The following ACTR5 variants were observed in gnomAD, a reference collection of about 807,000 sequenced individuals.
ACTR5 encodes actin-related protein 5.
A neutral mutation model predicts 61.2 loss-of-function variants in ACTR5; 43 were observed. The ratio of observed to expected loss-of-function variants is 0.70; its 90% CI spans 0.55 to 0.91. The LOEUF (loss-of-function observed/expected upper bound fraction) is 0.91, where lower values mean the gene tolerates loss of function less well. ACTR5 is among the 40% of genes least tolerant of loss of function. ACTR5 has a pLI of 0.00. For missense variants in ACTR5, 798 were observed against 782.2 expected (o/e 1.02, Z -0.24); for synonymous variants, 333 against 310.5 (o/e 1.07, Z -0.76).
At chr20:38,766,165 G>T in intron 6 of ACTR5, 73 bp from the exon 7 acceptor site, 1 of 1,534,976 alleles carries the variant, frequency 6.5e-7, no homozygotes, top group Non-Finnish European at 8.8e-7. Context: ...AAGAAACGCA[G>T]TTTGAGGAAA....
rs1053597942 is a variant in ACTR5 at position 38,772,383 on chromosome 20, C to T, written c.*567C>T. The stretch of plus-strand genomic sequence containing the variant: ...CTGGAGCTTAGGAGTTCGAGGCTAT[C>T]GTGTGCTGTGATCGCACCTGTGAAT... On this transcript the variant is annotated 3_prime_UTR_variant, in exon 9 of 9. Transcript: ENST00000243903. 8.9e-5 allele frequency: 14 copies of T among 158,120 alleles called. No individual in the cohort carries two copies. Among genetic ancestry groups the T allele is most frequent in the Non-Finnish European group, 1.5e-4 (11 of 71,736 alleles). 9.8% of individuals were successfully genotyped at this position (158,120 alleles called of 1,614,324 possible).
chr20:38,765,100 A>C (rs1306657772), intron 5 of ACTR5, among the ~76,000 whole-genome samples: 1 of 152,218 alleles, frequency 6.6e-6, no homozygotes, highest in Non-Finnish European at 1.5e-5. Flanking sequence ...TCATGCAAGC[A>C]GCAAGTCTTC....
At position 38,758,466 on chromosome 20, in the gene ACTR5, G is replaced by T. The variant is rs968334321; in HGVS notation, c.1176+2427G>T. ...ATTCGAGACCAGCCTGACCAACATG[G>T]TGAAACCCTGTCTCTACTGAAAATA... On this transcript the variant is annotated intron_variant, in intron 5 of 8. Transcript: ENST00000243903. Among the ~76,000 whole-genome samples the T allele has an allele frequency of 2.0e-5, 3 of 152,140 alleles. No individual in the cohort carries two copies. The East Asian group carries it at 5.8e-4, about 29-fold the overall frequency.
In ACTR5 at chr20:38,765,523, G is replaced by A; in HGVS notation, c.1293+5G>A. On this transcript the variant is annotated splice_donor_5th_base_variant and intron_variant, in intron 6 of 8. Coordinates refer to ENST00000243903, the MANE Select transcript of ACTR5 (RefSeq NM_024855.4). ...AAGCCGGTCACCACTGTTCAGGTTT[G>A]ACTTCTACAGCCCAGAACATGCTTA... 1.2e-6 allele frequency: 2 copies of A among 1,607,932 alleles called. No individual in the cohort carries two copies. The highest frequency in any genetic ancestry group is 1.7e-6 in the Non-Finnish European group (2 of 1,174,328).
Position 38,771,707 on chromosome 20 carries a change from A to G in ACTR5, c.1715A>G (p.Asn572Ser), listed in dbSNP as rs768905267. 1.9e-6 allele frequency: 3 copies of G among 1,614,080 alleles called. No homozygotes were observed. Among genetic ancestry groups the G allele is most frequent in the African/African-American group, 2.7e-5 (2 of 74,922 alleles). Residue 572 changes from asparagine (N) to serine (S), a missense_variant, in exon 9 of 9, where the codon AAC (asparagine) becomes AGC (serine). Asn to Ser is a conservative substitution (Grantham distance 46). Transcript: ENST00000243903. ...TACCTCAAGGAGCACTGTGCTTCCA[A>G]CATCTATGTCCCCATCCGCCTGCCG... ...GEYLKEHCAS[N>S]IYVPIRLPKQ...
chr20:38,765,674 G>A (rs528807838), intron 6 of ACTR5, among the ~76,000 whole-genome samples, 156 bp downstream of exon 6: 51 of 152,106 alleles, frequency 3.4e-4, no homozygotes, highest in Middle Eastern at 3.4e-3. Context: ...TTTTTCCCCC[G>A]GTGATTGATC....
chr20:38,750,536 A>G (rs765641306), intron 2 of ACTR5, among the ~76,000 whole-genome samples: 5 of 152,216 alleles, frequency 3.3e-5, no homozygotes, highest in Non-Finnish European at 5.9e-5. Flanking sequence ...ATCTGCAGGT[A>G]GTAGGCATTC....
rs892759255 is a variant in ACTR5, at chr20:38,763,772, C to T, written c.1177-1630C>T. Among the ~76,000 whole-genome samples the T allele has an allele frequency of 2.0e-5, 3 of 152,172 alleles. No homozygotes were observed. In the South Asian group the frequency reaches 6.2e-4, roughly 32 times the overall value. ...TAGCAGGTGTCCCTCCCCTCTTTGT[C>T]TGATTCAGTATTGGCAGGGACAGCT... is the stretch of plus-strand genomic sequence containing the variant. On this transcript the variant is annotated intron_variant, in intron 5 of 8. Coordinates refer to ENST00000243903, the MANE Select transcript of ACTR5 (RefSeq NM_024855.4).
rs1394867489 is a variant in ACTR5 at position 38,748,721 on chromosome 20, G to A, written c.243G>A (p.Gly81=). 2 of 1,553,592 alleles carry A rather than the reference G, an allele frequency of 1.3e-6. No homozygotes were observed. The highest frequency in any genetic ancestry group is 1.7e-6 in the Non-Finnish European group (2 of 1,152,214). The change falls in exon 1 of 9, where the codon GGG becomes GGA. Residue 81 remains glycine (G), a synonymous_variant. Transcript: ENST00000243903. The part of the protein sequence containing the change: ...GARGASGPQV[G]NALGSLEPLR... The stretch of plus-strand genomic sequence containing the variant: ...GGGGCGCGTCGGGCCCGCAGGTGGG[G>A]AACGCTCTGGGCAGCCTGGAGCCAC...
chr20:38,752,133 T>C lies in ACTR5; in HGVS notation c.608T>C (p.Leu203Ser), dbSNP rs747247058. 6 of 1,613,046 alleles carry C rather than the reference T, an allele frequency of 3.7e-6. No individual in the cohort carries two copies. Among genetic ancestry groups the C allele is most frequent in the Non-Finnish European group, 4.2e-6 (5 of 1,179,268 alleles). The change falls in exon 3 of 9, where the codon TTA becomes TCA. Residue 203 changes from leucine to serine, a missense_variant and splice_region_variant. Leu to Ser is a moderately radical substitution (Grantham distance 145). Coordinates refer to ENST00000243903, the MANE Select transcript of ACTR5 (RefSeq NM_024855.4). ...THVLPILEGR[L>S]DAKNCKRINL... is the part of the protein sequence containing the mutation. ...TGTTTTCTACTGCTTGGTTATAGAT[T>C]AGATGCTAAAAACTGCAAGCGCATC...
chr20:38,760,484 G>A (rs1290848221), intron 5 of ACTR5, among the ~76,000 whole-genome samples: 1 of 152,190 alleles, frequency 6.6e-6, no homozygotes, highest in Non-Finnish European at 1.5e-5. Flanking sequence ...CAAAACAGAT[G>A]TAGGATCAGA....
intron 5 of ACTR5, among the ~76,000 whole-genome samples, chr20:38,760,409 G>C (rs1177105936): frequency 6.6e-6 from 1 of 152,062 alleles, no homozygotes; most frequent in African/African-American, 2.4e-5. Flanking sequence ...TTTTGTTTTG[G>C]GAAACTAACT....
chr20:38,759,209 T>G (rs150444795), intron 5 of ACTR5, among the ~76,000 whole-genome samples: 31 of 152,258 alleles, frequency 2.0e-4, no homozygotes, highest in African/African-American at 7.2e-4. Context: ...AGATCAGGGT[T>G]GGCCTCTGCT....
At position 38,748,830 on chromosome 20, in the gene ACTR5, C is replaced by G; in HGVS notation, c.352C>G (p.Gln118Glu). 3.1e-6 allele frequency: 5 copies of G among 1,608,384 alleles called. No homozygotes were observed. Among genetic ancestry groups the G allele is most frequent in the Non-Finnish European group, 4.2e-6 (5 of 1,178,684 alleles). Residue 118 changes from glutamine (Q) to glutamate (E), a missense_variant, in exon 1 of 9, where the codon CAG (glutamine) becomes GAG (glutamate). Physicochemically the swap from Gln to Glu is conservative, Grantham distance 29. Transcript: ENST00000243903. ...LQELLLDYSF[Q>E]HLGVSSQGCV... is the part of the protein sequence containing the mutation. ...GGAGTTGCTGCTGGACTACAGCTTCCAGCACCTGGGTGTCTCCTCACAGGT... is the reference window on the plus strand; with the variant it reads ...GGAGTTGCTGCTGGACTACAGCTTCGAGCACCTGGGTGTCTCCTCACAGGT...
intron 8 of ACTR5, 137 bp from the exon 9 acceptor site, chr20:38,771,422 C>T (rs549732499): frequency 1.4e-5 from 16 of 1,147,130 alleles, no homozygotes; most frequent in African/African-American, 7.7e-5. Flanking sequence ...GAGCTAGCCC[C>T]GAACTGTCTT....
At chr20:38,766,455 G>T in intron 7 of ACTR5, 78 bp downstream of exon 7, 1 of 1,485,204 alleles carries the variant, frequency 6.7e-7, no homozygotes, top group Non-Finnish European at 9.0e-7. Context: ...TAGATTTGAT[G>T]GTCAGGCACT....
At chr20:38,752,014 T>C (rs1016489479) in intron 2 of ACTR5, 117 bp from the exon 3 acceptor site, 1 of 1,185,584 alleles carries the variant, frequency 8.4e-7, no homozygotes, top group Non-Finnish European at 1.2e-6. Flanking sequence ...AGGTTTTGTA[T>C]TTCTCCTGCT....
intron 5 of ACTR5, among the ~76,000 whole-genome samples, chr20:38,763,857 C>T (rs1385419893): frequency 1.3e-5 from 2 of 152,172 alleles, no homozygotes; most frequent in Admixed American, 6.5e-5. Context: ...CCATCTTCCT[C>T]CTCCTCAGAT....
chr20:38,755,057 G>A lies in ACTR5; in HGVS notation c.876G>A (p.Glu292=). Residue 292 remains glutamate, a synonymous_variant, in exon 4 of 9, where the codon GAG becomes GAA. Coordinates refer to ENST00000243903, the MANE Select transcript of ACTR5 (RefSeq NM_024855.4). The part of the protein sequence containing the change: ...SKLLGSTLTS[E]EKQERRQQQL... ...TCCTGGGCAGCACTCTGACCTCTGA[G>A]GAGAAACAAGAAAGGCGGCAGCAGC... The A allele has an allele frequency of 1.2e-6, 2 of 1,614,244 alleles. No homozygotes were observed. Among genetic ancestry groups the A allele is most frequent in the South Asian group, 1.1e-5 (1 of 91,082 alleles).
Sources: allele counts gnomAD v4.1 joint callset (sites outside exome capture counted in the v4.1 genomes callset), GRCh38; gene constraint gnomAD v4.1.1; transcripts MANE v1.5; gene names NCBI Gene and HGNC (gene_info 2026-07-23, HGNC 2026-07-21).